The following GLMN variants were observed in gnomAD, a reference collection of about 807,000 sequenced individuals.
GLMN encodes the protein glomulin.
GLMN carries 75 observed loss-of-function variants against 87.8 expected under a neutral mutation model. That is an observed-to-expected ratio of 0.85 (90% CI 0.71 to 1.04). GLMN has a LOEUF of 1.04. Ranked by LOEUF, GLMN falls within the 50% of genes least tolerant of loss-of-function variation. The probability of loss-of-function intolerance (pLI) is 0.00; values close to 1 mark genes in which losing one functional copy is unlikely to be tolerated. For missense variants in GLMN, 588 were observed against 658.8 expected (o/e 0.89, Z 1.18); for synonymous variants, 206 against 221.6 (o/e 0.93, Z 0.63).
the GLMN span, chr1:92,324,397 T>C: frequency 7.7e-6 from 12 of 1,551,776 alleles, no homozygotes; most frequent in Admixed American, 1.7e-4. Context: ...AGACATTGAG[T>C]TTTTCCAGAT....
chr1:92,290,150 C>A (rs767485401), intron 5 of GLMN, 48 bp downstream of exon 5: 1 of 1,014,032 alleles, frequency 9.9e-7, no homozygotes, highest in Non-Finnish European at 1.6e-6. Context: ...ACCATCAAGG[C>A]ATTTAGAGAT....
intron 7 of GLMN, among the ~76,000 whole-genome samples, chr1:92,279,215 G>A (rs1326620968): frequency 1.3e-5 from 2 of 152,176 alleles, no homozygotes; most frequent in African/African-American, 4.8e-5. Flanking sequence ...CTGCACTTTG[G>A]GAGGCTGAGG....
chr1:92,279,746 C>G (rs955306760), intron 7 of GLMN, among the ~76,000 whole-genome samples: 2 of 152,230 alleles, frequency 1.3e-5, no homozygotes, highest in African/African-American at 4.8e-5. Flanking sequence ...CAGTACACTC[C>G]TGACCAAATA....
rs10875319 is a variant in GLMN at position 92,262,619 on chromosome 1, A to G, written c.1473+244T>C. Among the ~76,000 whole-genome samples the G allele has an allele frequency of 0.48, 72,531 of 152,100 alleles. 18,310 individuals carry two copies. Among genetic ancestry groups the G allele is most frequent in the East Asian group, 0.96 (4,998 of 5,182 alleles). On this transcript the variant is annotated intron_variant, in intron 16 of 18. Transcript: ENST00000370360. The stretch of plus-strand genomic sequence containing the variant: ...AGGACCTGCAACTTATCCACCCAAC[A>G]GGACTAAGTGCTTTCAGCAAGAAAG...
chr1:92,356,167 G>A, the GLMN span, among the ~76,000 whole-genome samples: 11 of 151,392 alleles, frequency 7.3e-5, no homozygotes, highest in Admixed American at 6.6e-5. Flanking sequence ...TAGTAGAGAC[G>A]GGGTTTCACC....
At chr1:92,264,705 A>C in intron 13 of GLMN, 67 bp from the exon 14 acceptor site, 1 of 894,324 alleles carries the variant, frequency 1.1e-6, no homozygotes, top group South Asian at 1.3e-5. Flanking sequence ...TGGTGATAAA[A>C]GTTTTACAAA....
At chr1:92,261,298 A>G (rs1206547899) in intron 16 of GLMN, among the ~76,000 whole-genome samples, 1 of 152,226 alleles carries the variant, frequency 6.6e-6, no homozygotes, top group African/African-American at 2.4e-5. Flanking sequence ...TACATTATCT[A>G]TGAAAAGTGA....
chr1:92,277,179 A>G (rs1484314423), intron 7 of GLMN, among the ~76,000 whole-genome samples: 1 of 152,226 alleles, frequency 6.6e-6, no homozygotes, highest in East Asian at 1.9e-4. Flanking sequence ...AGTCAATTAA[A>G]AAAAGGAAAC....
the GLMN span, among the ~76,000 whole-genome samples, chr1:92,365,618 T>C: frequency 6.6e-6 from 1 of 152,310 alleles, no homozygotes; most frequent in African/African-American, 2.4e-5. Flanking sequence ...TACTTAACCT[T>C]TTTTCTAAAA....
chr1:92,246,732 A>G, intron 18 of GLMN, 86 bp from the exon 19 acceptor site: 6 of 783,500 alleles, frequency 7.7e-6, no homozygotes, highest in Admixed American at 1.8e-5. Flanking sequence ...AGCTGGAGGT[A>G]GCTTAGGAAT....
At chr1:92,260,912 CCTCT>C (rs995590717) in intron 16 of GLMN, among the ~76,000 whole-genome samples, 2 of 152,080 alleles carry the variant, frequency 1.3e-5, no homozygotes, top group Non-Finnish European at 2.9e-5. Context: ...TCAGGTCTTC[CCTCT>C]CTAAGCAGAG....
intron 16 of GLMN, among the ~76,000 whole-genome samples, chr1:92,250,021 T>G (rs1653249082): frequency 6.6e-6 from 1 of 152,032 alleles, no homozygotes; most frequent in Non-Finnish European, 1.5e-5. Flanking sequence ...CTTTTTACTT[T>G]GCATTCACCT....
the GLMN span, among the ~76,000 whole-genome samples, chr1:92,314,986 A>G: frequency 1.3e-5 from 2 of 152,216 alleles, no homozygotes; most frequent in African/African-American, 4.8e-5. Flanking sequence ...CAGAGGTTGC[A>G]GTGAACCGAG....
chr1:92,284,534 G>A (rs1648495040), intron 7 of GLMN, among the ~76,000 whole-genome samples: 1 of 152,032 alleles, frequency 6.6e-6, no homozygotes, highest in Admixed American at 6.5e-5. Flanking sequence ...GAAAACCTAG[G>A]CAATACCATT....
At chr1:92,271,145 C>T (rs1320984219) in intron 8 of GLMN, among the ~76,000 whole-genome samples, 2 of 152,078 alleles carry the variant, frequency 1.3e-5, no homozygotes, top group Non-Finnish European at 2.9e-5. Flanking sequence ...AGCAGTAATC[C>T]AGTGAAAAGA....
chr1:92,280,719 A>G (rs1043016423), intron 7 of GLMN, among the ~76,000 whole-genome samples: 5 of 152,200 alleles, frequency 3.3e-5, no homozygotes, highest in Non-Finnish European at 7.3e-5. Flanking sequence ...AAAAACCTGG[A>G]AAAAAGGTAA....
the GLMN span, among the ~76,000 whole-genome samples, chr1:92,362,052 T>C: frequency 1.3e-5 from 2 of 152,226 alleles, no homozygotes; most frequent in Admixed American, 6.5e-5. Flanking sequence ...ATGGAAATTT[T>C]TTACTCAAGA....
At chr1:92,351,305 C>CAAAAAAAAAAAAAAAAAAAA in the GLMN span, among the ~76,000 whole-genome samples, 8 of 86,838 alleles carry the variant, frequency 9.2e-5, no homozygotes, top group African/African-American at 3.4e-4. Context: ...GACTCTGTCT[C>CAAAAAAAAAAAAAAAAAAAA]AAAAAAAAAA....
the GLMN span, among the ~76,000 whole-genome samples, chr1:92,330,922 G>C: frequency 6.6e-6 from 1 of 152,108 alleles, no homozygotes; most frequent in Non-Finnish European, 1.5e-5. Context: ...CATATTTACT[G>C]AATGAGAATT....
Sources: gnomAD v4.1 joint callset for allele counts (sites outside exome capture counted in the v4.1 genomes callset) on GRCh38, gnomAD v4.1.1 for gene constraint, MANE v1.5 for transcripts, NCBI Gene and HGNC (gene_info 2026-07-23, HGNC 2026-07-21) for gene names.